Variants in SERAC1 observed in about 807,000 individuals in gnomAD.
SERAC1 encodes the protein protein SERAC1.
In SERAC1, 36 loss-of-function variants were observed where a neutral mutation model predicts 85.7. The observed-to-expected ratio is 0.42, with a 90% CI of 0.32 to 0.55. SERAC1 has a LOEUF of 0.55. Ranked by LOEUF, SERAC1 falls within the 20% of genes least tolerant of loss-of-function variation. The pLI is 0.11. For missense variants in SERAC1, 629 were observed against 796.2 expected (o/e 0.79, Z 2.53); for synonymous variants, 242 against 265.3 (o/e 0.91, Z 0.85).
chr6:158,127,367 G>A (rs1784567231), intron 10 of SERAC1, among the ~76,000 whole-genome samples: 1 of 59,506 alleles, frequency 1.7e-5, no homozygotes, highest in Non-Finnish European at 3.5e-5. Context: ...GTCCGGGAGG[G>A]AGGTGGGGGG....
Position 158,145,204 on chromosome 6 carries a change from A to G in SERAC1, c.488-784T>C, listed in dbSNP as rs147325044. 481 of 152,362 alleles carry G rather than the reference A, an allele frequency of 3.2e-3. 1 individual carries two copies. The highest frequency in any genetic ancestry group is 5.3e-3 in the Non-Finnish European group (361 of 68,074). 9.4% of individuals were successfully genotyped at this position (152,362 alleles called of 1,614,324 possible). On this transcript the variant is annotated intron_variant, in intron 6 of 16. Transcript: ENST00000647468. ...GGTTGTAGTGAGCCAAGGTCACACC[A>G]CTATACTTCAGCCTGGGTGACAGAA...
intron 1 of SERAC1, 43 bp from the exon 2 acceptor site, chr6:158,158,407 A>C: frequency 1.4e-6 from 2 of 1,425,136 alleles, no homozygotes; most frequent in Non-Finnish European, 2.0e-6. Flanking sequence ...TTTAGCATCT[A>C]AATCAAAACA....
intron 2 of SERAC1, among the ~76,000 whole-genome samples, chr6:158,156,068 G>C (rs565310942): frequency 2.0e-5 from 3 of 152,292 alleles, no homozygotes; most frequent in Non-Finnish European, 2.9e-5. Flanking sequence ...AGAATCGCTT[G>C]AACCACGGAG....
At chr6:158,155,635 C>T (rs1031254342) in intron 2 of SERAC1, among the ~76,000 whole-genome samples, 1 of 152,164 alleles carries the variant, frequency 6.6e-6, no homozygotes, top group Non-Finnish European at 1.5e-5. Context: ...AGTAGGACTA[C>T]AATGCTTCCA....
intron 1 of SERAC1, among the ~76,000 whole-genome samples, chr6:158,167,597 G>A (rs1474183386): frequency 6.6e-6 from 1 of 151,078 alleles, no homozygotes; most frequent in Non-Finnish European, 1.5e-5. Flanking sequence ...TTAACCTAAG[G>A]AACAGAAAAC....
At chr6:158,145,135 T>C (rs1785024401) in intron 6 of SERAC1, 1 of 152,170 alleles carries the variant, frequency 6.6e-6, no homozygotes, top group Non-Finnish European at 1.5e-5. Flanking sequence ...CCCCAGCTAT[T>C]CGGGAGGCTG....
intron 3 of SERAC1, 134 bp downstream of exon 3, chr6:158,155,181 C>T (rs1002127310): frequency 6.6e-6 from 4 of 605,262 alleles, no homozygotes; most frequent in Non-Finnish European, 1.2e-5. Flanking sequence ...GTGGTGGGAT[C>T]AGTGATTAAA....
chr6:158,116,717 A>C (rs933987852), intron 13 of SERAC1: 1 of 161,528 alleles, frequency 6.2e-6, no homozygotes, highest in Non-Finnish European at 1.4e-5. Flanking sequence ...GCCCTCCAAC[A>C]CTTAGGATAT....
intron 16 of SERAC1, 22 bp from the exon 17 acceptor site, chr6:158,111,524 A>G (rs1784144101): frequency 6.4e-7 from 1 of 1,556,768 alleles, no homozygotes; most frequent in African/African-American, 1.4e-5. Context: ...AAAAAAGTCA[A>G]TAAACCTAAG....
chr6:158,154,712 T>C (rs1785284529), intron 3 of SERAC1, among the ~76,000 whole-genome samples: 1 of 152,178 alleles, frequency 6.6e-6, no homozygotes. Context: ...CAGCCTCAAT[T>C]TCCTTTCATG....
At chr6:158,148,638 T>A (rs1338769391) in intron 5 of SERAC1, among the ~76,000 whole-genome samples, 1 of 152,102 alleles carries the variant, frequency 6.6e-6, no homozygotes, top group Non-Finnish European at 1.5e-5. Flanking sequence ...AGACAGGGTT[T>A]CACCATGTTA....
intron 7 of SERAC1, 94 bp from the exon 8 acceptor site, chr6:158,143,278 T>C (rs891219687): frequency 1.4e-6 from 2 of 1,468,256 alleles, no homozygotes; most frequent in Non-Finnish European, 1.8e-6. Flanking sequence ...TTGCCATATA[T>C]ATCAAAGCCA....
At chr6:158,157,295 C>A (rs1785375952) in intron 2 of SERAC1, among the ~76,000 whole-genome samples, 1 of 152,138 alleles carries the variant, frequency 6.6e-6, no homozygotes, top group African/African-American at 2.4e-5. Flanking sequence ...CCGCACCCAG[C>A]CTTAACCTAT....
At chr6:158,128,352 G>C in intron 9 of SERAC1, 82 bp from the exon 10 acceptor site, 1 of 1,373,352 alleles carries the variant, frequency 7.3e-7, no homozygotes, top group South Asian at 1.3e-5. Context: ...CATGGGGACA[G>C]CTAGGTAGCT....
intron 8 of SERAC1, among the ~76,000 whole-genome samples, chr6:158,134,124 C>T (rs931398724): frequency 1.3e-5 from 2 of 152,228 alleles, no homozygotes; most frequent in Non-Finnish European, 2.9e-5. Context: ...TTTCAGCATT[C>T]CCTAGCAACA....
At chr6:158,148,977 TA>T (rs2128421796) in intron 4 of SERAC1, 23 bp from the exon 5 acceptor site, 1 of 1,539,426 alleles carries the variant, frequency 6.5e-7, no homozygotes, top group African/African-American at 1.4e-5. Flanking sequence ...TAAAATTAAG[TA>T]AAACCAAGAA....
At chr6:158,137,721 C>CA (rs1418926574) in intron 8 of SERAC1, among the ~76,000 whole-genome samples, 11 of 151,440 alleles carry the variant, frequency 7.3e-5, no homozygotes, top group Non-Finnish European at 1.3e-4. Context: ...ACCAAAAATA[C>CA]AAAAAAAATT....
intron 3 of SERAC1, chr6:158,152,891 A>C (rs939241743): frequency 1.3e-5 from 2 of 152,220 alleles, no homozygotes; most frequent in African/African-American, 4.8e-5. Context: ...CACAACAATG[A>C]AATCACCTAA....
chr6:158,167,187 T>C (rs910562270), intron 1 of SERAC1, among the ~76,000 whole-genome samples: 3 of 139,150 alleles, frequency 2.2e-5, no homozygotes, highest in African/African-American at 8.1e-5. Flanking sequence ...ATGGAAGAGC[T>C]GGGTTCCTTA....
Sources: gnomAD v4.1 joint callset for allele counts (sites outside exome capture counted in the v4.1 genomes callset) on GRCh38, gnomAD v4.1.1 for gene constraint, MANE v1.5 for transcripts, NCBI Gene and HGNC (gene_info 2026-07-23, HGNC 2026-07-21) for gene names.